NOS1AP: variants seen among roughly 807,000 people sequenced by gnomAD.
The protein encoded by NOS1AP is nitric oxide synthase 1 adaptor protein, also known as carboxyl-terminal PDZ ligand of neuronal nitric oxide synthase protein.
A neutral mutation model predicts 56.2 loss-of-function variants in NOS1AP; 21 were observed. The ratio of observed to expected loss-of-function variants is 0.37; its 90% CI spans 0.26 to 0.54. The LOEUF is 0.54. NOS1AP is among the 20% of genes least tolerant of loss of function. The probability of loss-of-function intolerance (pLI) is 0.84; values close to 1 mark genes in which losing one functional copy is unlikely to be tolerated. For synonymous variants in NOS1AP, 270 were observed against 274.6 expected, an observed-to-expected ratio of 0.98 and a Z score of 0.17; for missense variants, 522 against 657.8, an observed-to-expected ratio of 0.79 and a Z score of 2.26.
chr1:162,091,872 G>A (rs1000376230), intron 1 of NOS1AP, among the ~76,000 whole-genome samples: 1 of 152,160 alleles, frequency 6.6e-6, no homozygotes, highest in Middle Eastern at 3.2e-3. Context: ...TGGGCATTAA[G>A]TAATTGGGAT....
intron 1 of NOS1AP, among the ~76,000 whole-genome samples, chr1:162,148,983 G>C (rs1649593727): frequency 1.3e-5 from 2 of 152,186 alleles, no homozygotes; most frequent in South Asian, 4.1e-4. Context: ...AAAACCGGTG[G>C]ATTTCCTGGG....
At chr1:162,335,834 G>A (rs1656924611) in intron 5 of NOS1AP, among the ~76,000 whole-genome samples, 1 of 152,148 alleles carries the variant, frequency 6.6e-6, no homozygotes, top group African/African-American at 2.4e-5. Flanking sequence ...AGTTCACATG[G>A]GGAAAGGGTT....
chr1:162,303,231 C>T (rs576612926), intron 4 of NOS1AP, among the ~76,000 whole-genome samples: 14 of 152,264 alleles, frequency 9.2e-5, no homozygotes, highest in Non-Finnish European at 1.8e-4. Context: ...GAATGGCTGA[C>T]TCATATGATA....
chr1:162,311,589 T>A lies in NOS1AP; in HGVS notation c.344+10883T>A, dbSNP rs1054534437. Among the ~76,000 whole-genome samples, 8 of 152,038 alleles carry A rather than the reference T, an allele frequency of 5.3e-5. No individual in the cohort carries two copies. In the South Asian group the frequency reaches 1.0e-3, roughly 20 times the overall value. ...CTTTCACCCTTTGTTTTCTTTTTTT[T>A]TTTTAATTATACTTTAAGTTTTAGG... On this transcript the variant is annotated intron_variant, in intron 4 of 9. Transcript: ENST00000361897.
At chr1:162,201,002 C>T (rs969395736) in intron 2 of NOS1AP, among the ~76,000 whole-genome samples, 2 of 152,162 alleles carry the variant, frequency 1.3e-5, no homozygotes, top group African/African-American at 4.8e-5. Context: ...TATTTCATCA[C>T]CGACATATTA....
chr1:162,112,020 T>C (rs1387294495), intron 1 of NOS1AP, among the ~76,000 whole-genome samples: 1 of 152,190 alleles, frequency 6.6e-6, no homozygotes, highest in Admixed American at 6.5e-5. Flanking sequence ...AGGCCAGTGC[T>C]CCTTCGTGCT....
rs1876986 is a variant in NOS1AP at position 162,368,706 on chromosome 1, G to A, written c.*1239G>A. 44,891 of 152,204 alleles carry A rather than the reference G, an allele frequency of 0.29. 7,950 individuals carry two copies. The highest frequency in any genetic ancestry group is 0.52 in the East Asian group (2,696 of 5,160). The allele number at this position is 152,204 out of a possible 1,614,324, so 9.4% of individuals were successfully genotyped here. ...GGGCTGGCTGGGGCAATGAGGAAAA[G>A]CTCCTTTGCTCCTGTAAGGCCATAA... On this transcript the variant is annotated 3_prime_UTR_variant, in exon 10 of 10. Coordinates refer to ENST00000361897, the MANE Select transcript of NOS1AP (RefSeq NM_014697.3).
At chr1:162,258,464 A>G (rs1191261342) in intron 2 of NOS1AP, among the ~76,000 whole-genome samples, 1 of 152,078 alleles carries the variant, frequency 6.6e-6, no homozygotes, top group Non-Finnish European at 1.5e-5. Context: ...TTTTCCTCCC[A>G]TGGAATCCAC....
At chr1:162,354,585 G>A (rs1222056847) in intron 6 of NOS1AP, among the ~76,000 whole-genome samples, 1 of 152,216 alleles carries the variant, frequency 6.6e-6, no homozygotes, top group African/African-American at 2.4e-5. Context: ...GCCACTTCCT[G>A]CAGGCGTCTT....
chr1:162,267,704 A>T (rs759394382), intron 2 of NOS1AP, among the ~76,000 whole-genome samples: 2 of 152,182 alleles, frequency 1.3e-5, no homozygotes, highest in Non-Finnish European at 2.9e-5. Context: ...TTGAGGCTGC[A>T]GTGAGCTATG....
intron 1 of NOS1AP, among the ~76,000 whole-genome samples, chr1:162,136,688 T>C (rs754067484): frequency 6.6e-6 from 1 of 152,210 alleles, no homozygotes; most frequent in Non-Finnish European, 1.5e-5. Context: ...GGAAATTCAA[T>C]GTCAGGTGAT....
At chr1:162,235,206 C>G (rs1488550025) in intron 2 of NOS1AP, among the ~76,000 whole-genome samples, 6 of 151,988 alleles carry the variant, frequency 3.9e-5, no homozygotes, top group Non-Finnish European at 4.4e-5. Flanking sequence ...GAAAGCTTTT[C>G]CCCCATAGAA....
At chr1:162,268,320 CCCT>C (rs201603803) in intron 2 of NOS1AP, among the ~76,000 whole-genome samples, 1 of 143,418 alleles carries the variant, frequency 7.0e-6, no homozygotes, top group Non-Finnish European at 1.5e-5. Flanking sequence ...AGCTCCCCCC[CCCT>C]ATTTCTAGAA....
intron 1 of NOS1AP, among the ~76,000 whole-genome samples, chr1:162,114,186 A>C (rs1368376108): frequency 6.6e-6 from 1 of 152,190 alleles, no homozygotes; most frequent in Non-Finnish European, 1.5e-5. Flanking sequence ...ATTTTCCAGC[A>C]GGACAAGATC....
chr1:162,105,662 T>C (rs1647475898), intron 1 of NOS1AP, among the ~76,000 whole-genome samples: 1 of 152,224 alleles, frequency 6.6e-6, no homozygotes, highest in African/African-American at 2.4e-5. Context: ...ATCAGGGTCC[T>C]GCTTAAAGAA....
rs886925323 is a variant in NOS1AP, at chr1:162,319,948, C to T, written c.345-13069C>T. Among the ~76,000 whole-genome samples, 6 of 152,318 alleles carry T rather than the reference C, an allele frequency of 3.9e-5. No individual in the cohort carries two copies. In the East Asian group the frequency reaches 5.8e-4, roughly 15 times the overall value. On this transcript the variant is annotated intron_variant, in intron 4 of 9. Transcript: ENST00000361897. Reference sequence around the variant, plus strand: ...ATCCTGCCACCTCCCACGTTGTCTTCGAGTCACAGCTCAGGCAGCAGCTCC... The same window carrying T: ...ATCCTGCCACCTCCCACGTTGTCTTTGAGTCACAGCTCAGGCAGCAGCTCC...
chr1:162,266,701 T>C (rs1571175323), intron 2 of NOS1AP, among the ~76,000 whole-genome samples: 1 of 152,254 alleles, frequency 6.6e-6, no homozygotes, highest in Non-Finnish European at 1.5e-5. Context: ...TATGCTAGAA[T>C]AGTTCTGAAT....
intron 1 of NOS1AP, among the ~76,000 whole-genome samples, chr1:162,083,896 C>G (rs75263193): frequency 6.6e-6 from 1 of 152,094 alleles, no homozygotes; most frequent in African/African-American, 2.4e-5. Flanking sequence ...TTGAGACCCA[C>G]GGCATTAGAG....
intron 2 of NOS1AP, among the ~76,000 whole-genome samples, chr1:162,286,917 A>G (rs1481557365): frequency 6.6e-6 from 1 of 152,180 alleles, no homozygotes; most frequent in Admixed American, 6.5e-5. Flanking sequence ...CAGTGTGTAA[A>G]AAACCCTGAT....
Sources: gnomAD v4.1 joint callset for allele counts (sites outside exome capture counted in the v4.1 genomes callset) on GRCh38, gnomAD v4.1.1 for gene constraint, MANE v1.5 for transcripts, NCBI Gene and HGNC (gene_info 2026-07-23, HGNC 2026-07-21) for gene names.